Variants in LPGAT1 observed in about 807,000 individuals in gnomAD.
LPGAT1 encodes lysophosphatidylglycerol acyltransferase 1.
Under a neutral mutation model 47.5 loss-of-function variants are expected in LPGAT1, and 11 were observed. The observed-to-expected ratio is 0.23, with a 90% CI of 0.15 to 0.38. The LOEUF is 0.38. Among genes scored for constraint, LPGAT1 ranks in the 10% least tolerant of loss-of-function variants. LPGAT1 has a pLI of 1.00. For synonymous variants in LPGAT1, 138 were observed against 144.2 expected, an observed-to-expected ratio of 0.96 and a Z score of 0.31; for missense variants, 293 against 439.0, an observed-to-expected ratio of 0.67 and a Z score of 2.97.
At chr1:211,785,377 T>C (rs921464582) in intron 4 of LPGAT1, among the ~76,000 whole-genome samples, 1 of 152,160 alleles carries the variant, frequency 6.6e-6, no homozygotes, top group African/African-American at 2.4e-5. Context: ...ATTTTTCTTT[T>C]AAACATTAAT....
At chr1:211,762,469 T>C (rs1343040600) in intron 6 of LPGAT1, among the ~76,000 whole-genome samples, 2 of 152,182 alleles carry the variant, frequency 1.3e-5, no homozygotes, top group Non-Finnish European at 2.9e-5. Context: ...GCAATCTACT[T>C]CTATTACTCT....
chr1:211,815,447 A>T (rs1660137493), intron 2 of LPGAT1, among the ~76,000 whole-genome samples: 1 of 152,080 alleles, frequency 6.6e-6, no homozygotes, highest in Non-Finnish European at 1.5e-5. Context: ...CACTGCCATC[A>T]TCACTAGACC....
At chr1:211,820,809 T>G (rs538752715) in intron 2 of LPGAT1, among the ~76,000 whole-genome samples, 3 of 152,050 alleles carry the variant, frequency 2.0e-5, no homozygotes, top group Admixed American at 1.3e-4. Context: ...AAGAAAACTT[T>G]CCTGAAATGA....
intron 1 of LPGAT1, 130 bp from the exon 2 acceptor site, chr1:211,829,453 G>T (rs140498655): frequency 1.4e-6 from 2 of 1,453,248 alleles, no homozygotes; most frequent in Non-Finnish European, 1.8e-6. Context: ...GTAGTACCTC[G>T]GTGATCTCTC....
intron 6 of LPGAT1, among the ~76,000 whole-genome samples, chr1:211,773,351 T>C (rs756787303): frequency 5.9e-5 from 9 of 152,304 alleles, no homozygotes; most frequent in Non-Finnish European, 1.2e-4. Context: ...CTAGACAGCA[T>C]ATGTATCTTT....
chr1:211,778,267 G>C (rs190595299), intron 6 of LPGAT1, among the ~76,000 whole-genome samples: 1 of 151,454 alleles, frequency 6.6e-6, no homozygotes, highest in Non-Finnish European at 1.5e-5. Context: ...GCGTGAAGCC[G>C]GGAGGCGGAG....
intron 2 of LPGAT1, among the ~76,000 whole-genome samples, chr1:211,804,154 C>T (rs1659673619): frequency 6.6e-6 from 1 of 152,118 alleles, no homozygotes; most frequent in African/African-American, 2.4e-5. Flanking sequence ...CTCACTGTAG[C>T]CTCAACCTCC....
intron 6 of LPGAT1, among the ~76,000 whole-genome samples, chr1:211,771,076 A>AAG (rs1658146294): frequency 7.6e-6 from 1 of 131,904 alleles, no homozygotes; most frequent in African/African-American, 2.6e-5. Context: ...CAGCCTGAGC[A>AAG]ACAGAGAGAG....
chr1:211,817,570 CA>C (rs528517027), intron 2 of LPGAT1, among the ~76,000 whole-genome samples: 253 of 107,662 alleles, frequency 2.3e-3, no homozygotes, highest in Admixed American at 2.2e-3. Context: ...GGCTCCATCT[CA>C]AAAAAAAAAA....
chr1:211,785,103 G>A (rs555513739), intron 4 of LPGAT1, among the ~76,000 whole-genome samples: 4 of 151,824 alleles, frequency 2.6e-5, no homozygotes, highest in Non-Finnish European at 5.9e-5. Flanking sequence ...GCGCCCAGCC[G>A]GTTCTTTCTT....
At chr1:211,751,141 G>T in intron 6 of LPGAT1, 74 bp from the exon 7 acceptor site, 1 of 930,558 alleles carries the variant, frequency 1.1e-6, no homozygotes, top group South Asian at 1.7e-5. Context: ...CACAACTTAT[G>T]ATGAAAAGCT....
Position 211,830,522 on chromosome 1 carries a change from G to C in LPGAT1, c.-28+51C>G. 2 of 1,201,820 alleles carry C rather than the reference G, an allele frequency of 1.7e-6. No individual in the cohort carries two copies. The highest frequency in any genetic ancestry group is 1.0e-6 in the Non-Finnish European group (1 of 968,246). The allele number at this position is 1,201,820 out of a possible 1,614,324, so 74.4% of individuals were successfully genotyped here. A position where few individuals can be genotyped will look rare whatever the true frequency, so the allele number is the denominator to read the frequency against. Reference sequence around the variant, plus strand: ...TTCCCCGCCCCCAGCGCCTCCCCTGGCCCGGCTCCGCTGCCGCTCTGGGGC... The same window carrying C: ...TTCCCCGCCCCCAGCGCCTCCCCTGCCCCGGCTCCGCTGCCGCTCTGGGGC... On this transcript the variant is annotated intron_variant, in intron 1 of 7. Coordinates refer to ENST00000366997, the MANE Select transcript of LPGAT1 (RefSeq NM_014873.3). The surrounding 1 kb of genome is among the most constrained non-coding windows in gnomAD (Gnocchi z 5.9).
At chr1:211,786,080 A>G (rs1056719283) in intron 4 of LPGAT1, among the ~76,000 whole-genome samples, 5 of 152,210 alleles carry the variant, frequency 3.3e-5, no homozygotes, top group African/African-American at 2.4e-5. Flanking sequence ...CTATTACACT[A>G]GGATCTTTGT....
At chr1:211,770,432 G>A (rs1327576295) in intron 6 of LPGAT1, among the ~76,000 whole-genome samples, 2 of 151,904 alleles carry the variant, frequency 1.3e-5, no homozygotes, top group Admixed American at 1.3e-4. Flanking sequence ...TGTGTCTTTT[G>A]TACATTTTTC....
At chr1:211,816,206 C>T (rs1402076059) in intron 2 of LPGAT1, among the ~76,000 whole-genome samples, 1 of 152,152 alleles carries the variant, frequency 6.6e-6, no homozygotes, top group East Asian at 1.9e-4. Flanking sequence ...TAGTCTCAAG[C>T]TCAAGTCCTC....
At chr1:211,813,535 T>C (rs1347047396) in intron 2 of LPGAT1, among the ~76,000 whole-genome samples, 3 of 152,226 alleles carry the variant, frequency 2.0e-5, no homozygotes, top group East Asian at 3.8e-4. Flanking sequence ...TCGGTACTTA[T>C]GTAACAAATT....
chr1:211,760,071 G>T (rs972978185), intron 6 of LPGAT1, among the ~76,000 whole-genome samples: 5 of 152,220 alleles, frequency 3.3e-5, no homozygotes, highest in Admixed American at 2.6e-4. Context: ...TTCTCACTTA[G>T]GTATAGAGGA....
rs557483148 is a variant in LPGAT1, at chr1:211,819,540, A to G, written c.238+9519T>C. On this transcript the variant is annotated intron_variant, in intron 2 of 7. Transcript: ENST00000366997. Reference sequence around the variant, plus strand: ...AAATTTAAATCTAAAAAATAAAACCACCAAAGTACCTGAGAACAAGGCTGA... The same window carrying G: ...AAATTTAAATCTAAAAAATAAAACCGCCAAAGTACCTGAGAACAAGGCTGA... 9.2e-5 allele frequency among the ~76,000 whole-genome samples: 14 copies of G among 152,132 alleles called. No homozygotes were observed. The South Asian group carries it at 2.9e-3, about 32-fold the overall frequency.
At chr1:211,808,337 C>T (rs116800456) in intron 2 of LPGAT1, among the ~76,000 whole-genome samples, 2,581 of 126,214 alleles carry the variant, frequency 0.02, 73 homozygotes, top group African/African-American at 0.074. Flanking sequence ...GCAACAAGGG[C>T]GAAACTCCGT....
Sources: allele counts gnomAD v4.1 joint callset (sites outside exome capture counted in the v4.1 genomes callset), GRCh38; gene constraint gnomAD v4.1.1; non-coding constraint Gnocchi (gnomAD v3.1); transcripts MANE v1.5; gene names NCBI Gene and HGNC (gene_info 2026-07-23, HGNC 2026-07-21).